CCDC171: variants seen among roughly 807,000 people sequenced by gnomAD.
CCDC171 encodes the protein coiled-coil domain-containing protein 171.
In CCDC171, 177 loss-of-function variants were observed where a neutral mutation model predicts 168.2. The observed-to-expected ratio is 1.05, with a 90% CI of 0.93 to 1.19. CCDC171 has a LOEUF of 1.19. Among genes scored for constraint, CCDC171 ranks in the 50% most tolerant of loss-of-function variants. The probability of loss-of-function intolerance (pLI) is 0.00; values close to 1 mark genes in which losing one functional copy is unlikely to be tolerated. For synonymous variants in CCDC171, 687 were observed against 540.8 expected, an observed-to-expected ratio of 1.27 and a Z score of -3.75; for missense variants, 1,991 against 1,539.0, an observed-to-expected ratio of 1.29 and a Z score of -4.91.
chr9:15,807,907 ATT>A, intron 21 of CCDC171, among the ~76,000 whole-genome samples: 1 of 151,374 alleles, frequency 6.6e-6, no homozygotes, highest in South Asian at 2.1e-4. Context: ...AAGCCAGATG[ATT>A]TTATGGCTCC....
intron 11 of CCDC171, among the ~76,000 whole-genome samples, chr9:15,718,891 A>G (rs1319217757): frequency 1.3e-5 from 2 of 152,224 alleles, no homozygotes; most frequent in Non-Finnish European, 2.9e-5. Context: ...TGCATAGACT[A>G]AAATAAATAA....
intron 18 of CCDC171, among the ~76,000 whole-genome samples, chr9:15,769,036 C>A (rs1234903037): frequency 6.6e-6 from 1 of 152,170 alleles, no homozygotes; most frequent in Non-Finnish European, 1.5e-5. Context: ...GCTTATTATT[C>A]TTCAGAAGTG....
At chr9:15,601,750 T>C (rs1013978298) in intron 6 of CCDC171, among the ~76,000 whole-genome samples, 2 of 152,218 alleles carry the variant, frequency 1.3e-5, no homozygotes, top group Non-Finnish European at 2.9e-5. Context: ...ACAGGATATT[T>C]AAGTTGTTGA....
chr9:15,707,306 A>G (rs867984484), intron 11 of CCDC171, among the ~76,000 whole-genome samples: 13 of 152,250 alleles, frequency 8.5e-5, no homozygotes, highest in Admixed American at 3.9e-4. Flanking sequence ...ATATATGCCA[A>G]TGTACATTTT....
chr9:15,900,608 G>C (rs1056913108), intron 24 of CCDC171, among the ~76,000 whole-genome samples: 5 of 152,144 alleles, frequency 3.3e-5, no homozygotes, highest in African/African-American at 4.8e-5. Flanking sequence ...TAAGTTTCTG[G>C]TAATTTGTTA....
rs547875691 is a variant in CCDC171 at position 15,573,375 on chromosome 9, A to C, written c.177+1616A>C. On this transcript the variant is annotated intron_variant, in intron 3 of 25. Coordinates refer to ENST00000380701, the MANE Select transcript of CCDC171 (RefSeq NM_173550.4). ...ACTGCAACCACTGCCTCCAGGTTCAAGTGATTGGAGAATCACTTGCCTCAG... is the reference window on the plus strand; with the variant it reads ...ACTGCAACCACTGCCTCCAGGTTCACGTGATTGGAGAATCACTTGCCTCAG... Among the ~76,000 whole-genome samples, 8 of 152,198 alleles carry C rather than the reference A, an allele frequency of 5.3e-5. No individual in the cohort carries two copies. In the South Asian group the frequency reaches 1.7e-3, roughly 32 times the overall value.
chr9:16,106,612 G>A, the CCDC171 span, among the ~76,000 whole-genome samples: 9 of 152,166 alleles, frequency 5.9e-5, no homozygotes, highest in Non-Finnish European at 1.5e-5. Flanking sequence ...AACAAAGGTT[G>A]TTTTCCCTCA....
At chr9:16,103,835 G>T in the CCDC171 span, among the ~76,000 whole-genome samples, 2 of 152,206 alleles carry the variant, frequency 1.3e-5, no homozygotes, top group Non-Finnish European at 2.9e-5. Flanking sequence ...ATGGACTCCG[G>T]GGGGGCTGGG....
At chr9:15,628,035 A>G (rs961084977) in intron 7 of CCDC171, among the ~76,000 whole-genome samples, 10 of 152,072 alleles carry the variant, frequency 6.6e-5, no homozygotes, top group Admixed American at 5.9e-4. Context: ...AAAAGGTTTC[A>G]CTGGGGAGGG....
At chr9:16,012,857 G>C (rs900431955) in intron 3 of CCDC171, among the ~76,000 whole-genome samples, 1 of 152,120 alleles carries the variant, frequency 6.6e-6, no homozygotes, top group Non-Finnish European at 1.5e-5. Flanking sequence ...AGGGTGGACT[G>C]GCTGAATTTA....
At chr9:15,810,629 C>G (rs544260113) in intron 21 of CCDC171, among the ~76,000 whole-genome samples, 1 of 152,136 alleles carries the variant, frequency 6.6e-6, no homozygotes, top group Non-Finnish European at 1.5e-5. Context: ...GTGCACCCTC[C>G]GCAGCTGCTG....
chr9:16,076,816 A>T, the CCDC171 span, among the ~76,000 whole-genome samples: 1 of 152,318 alleles, frequency 6.6e-6, no homozygotes, highest in South Asian at 2.1e-4. Flanking sequence ...AACTAAATCT[A>T]TTAGGCTCCA....
the CCDC171 span, among the ~76,000 whole-genome samples, chr9:16,079,803 A>C: frequency 6.6e-6 from 1 of 151,494 alleles, no homozygotes; most frequent in African/African-American, 2.5e-5. Flanking sequence ...TGACTAGCAG[A>C]GACTTACACA....
chr9:15,865,226 C>G (rs1459789535), intron 23 of CCDC171, among the ~76,000 whole-genome samples: 2 of 151,904 alleles, frequency 1.3e-5, no homozygotes, highest in Non-Finnish European at 2.9e-5. Context: ...AACCTAGAAC[C>G]CATCATGAAA....
chr9:15,952,852 C>G (rs918625309), intron 25 of CCDC171, among the ~76,000 whole-genome samples: 15 of 152,120 alleles, frequency 9.9e-5, no homozygotes, highest in African/African-American at 2.4e-4. Flanking sequence ...TTTTTAATGT[C>G]TTTCAGCAAT....
At chr9:16,095,867 C>CATATATATATATAT in the CCDC171 span, among the ~76,000 whole-genome samples, 29 of 52,768 alleles carry the variant, frequency 5.5e-4, no homozygotes, top group African/African-American at 1.3e-3. Flanking sequence ...CACACATAGG[C>CATATATATATATAT]ACATATATAT....
chr9:15,970,955 T>C (rs532707218), intron 25 of CCDC171, among the ~76,000 whole-genome samples: 2 of 152,186 alleles, frequency 1.3e-5, no homozygotes, highest in South Asian at 2.1e-4. Context: ...GTGACTTAAA[T>C]CAAGAATTAC....
chr9:15,908,633 A>G (rs1477704443), intron 24 of CCDC171, among the ~76,000 whole-genome samples: 2 of 152,150 alleles, frequency 1.3e-5, no homozygotes, highest in South Asian at 2.1e-4. Context: ...GTGCACCTGT[A>G]CCCTAAAAGT....
chr9:15,763,492 T>G (rs892099639), intron 18 of CCDC171, among the ~76,000 whole-genome samples: 3 of 152,172 alleles, frequency 2.0e-5, no homozygotes, highest in African/African-American at 4.8e-5. Flanking sequence ...AACTATCAGA[T>G]GCTCAACATG....
Sources: gnomAD v4.1 joint callset for allele counts (sites outside exome capture counted in the v4.1 genomes callset) on GRCh38, gnomAD v4.1.1 for gene constraint, MANE v1.5 for transcripts, NCBI Gene and HGNC (gene_info 2026-07-23, HGNC 2026-07-21) for gene names.